The following RPAIN variants were observed in gnomAD, a reference collection of about 807,000 sequenced individuals.
RPAIN encodes the protein RPA-interacting protein.
In RPAIN, 29 loss-of-function variants were observed where a neutral mutation model predicts 30.5. That is an observed-to-expected ratio of 0.95 (90% confidence interval 0.71 to 1.30). The LOEUF (loss-of-function observed/expected upper bound fraction) is 1.30, where lower values mean the gene tolerates loss of function less well. RPAIN is among the 50% of genes most tolerant of loss of function. The pLI, the probability that RPAIN is intolerant of heterozygous loss-of-function variation, is 0.00. For synonymous variants in RPAIN, 101 were observed against 93.5 expected (o/e 1.08, Z -0.46); for missense variants, 247 against 264.7 (o/e 0.93, Z 0.46).
intron 6 of RPAIN, chr17:5,430,481 CA>C (rs1915801831): frequency 6.5e-6 from 1 of 152,960 alleles, no homozygotes; most frequent in African/African-American, 2.4e-5. Context: ...AAAAGCAAAA[CA>C]AACAAAAAAA....
At chr17:5,420,403 C>G (rs964605678) in intron 1 of RPAIN, 112 bp downstream of exon 1, 1 of 868,018 alleles carries the variant, frequency 1.2e-6, no homozygotes, top group Middle Eastern at 3.5e-4. Context: ...CGCGCCTGGT[C>G]TGGTCAAACC....
intron 6 of RPAIN, chr17:5,431,921 T>C (rs187491553): frequency 1.1e-3 from 324 of 297,128 alleles, no homozygotes; most frequent in Middle Eastern, 1.2e-3. Context: ...CTGTGGGAGT[T>C]ATTGATCCCC....
In RPAIN at chr17:5,426,452, G is replaced by C. The variant is rs878910303; in HGVS notation, c.489+153G>C. 10 of 720,252 alleles carry C rather than the reference G, an allele frequency of 1.4e-5. No individual in the cohort carries two copies. In the South Asian group the frequency reaches 1.4e-4, roughly 10 times the overall value. 44.6% of individuals were successfully genotyped at this position (720,252 alleles called of 1,614,324 possible). ...CATTGGTAGCTTCAAATCAGCCATG[G>C]TGAGAATATCTATGGCATGAAAATT... is the stretch of plus-strand genomic sequence containing the variant. On this transcript the variant is annotated intron_variant, in intron 5 of 6. Transcript: ENST00000381209.
At chr17:5,420,366 C>T in intron 1 of RPAIN, 75 bp downstream of exon 1, 1 of 1,331,000 alleles carries the variant, frequency 7.5e-7, no homozygotes, top group South Asian at 1.3e-5. Flanking sequence ...TTCGCCTTAG[C>T]CCTGCTCCGT....
Position 5,428,215 on chromosome 17 carries a change from A to G in RPAIN, c.630+4A>G, listed in dbSNP as rs376692284. 103 of 1,614,070 alleles carry G rather than the reference A, an allele frequency of 6.4e-5. No individual in the cohort carries two copies. The highest frequency in any genetic ancestry group is 8.1e-5 in the Non-Finnish European group (95 of 1,180,042). On this transcript the variant is annotated splice_donor_region_variant and intron_variant, in intron 6 of 6. Coordinates refer to ENST00000381209, the MANE Select transcript of RPAIN (RefSeq NM_001033002.4). ...CAGTCTTCTCATGAGCTGTCTGGTA[A>G]GCGTCTCCTGGGACCCACTCTGTGG...
chr17:5,428,631 GC>G (rs546529924), intron 6 of RPAIN: 32 of 840,426 alleles, frequency 3.8e-5, no homozygotes, highest in Non-Finnish European at 4.9e-5. Context: ...AGGTCCAAGG[GC>G]TATTCGCTAA....
chr17:5,422,124 C>T (rs1189664260), intron 2 of RPAIN, among the ~76,000 whole-genome samples: 1 of 152,146 alleles, frequency 6.6e-6, no homozygotes, highest in African/African-American at 2.4e-5. Context: ...AAGGGAAAAC[C>T]ATTTATAGTG....
At chr17:5,431,867 A>G (rs1438388145) in intron 6 of RPAIN, 1 of 336,626 alleles carries the variant, frequency 3.0e-6, no homozygotes, top group Non-Finnish European at 5.8e-6. Flanking sequence ...AAGAAACAAG[A>G]GTAACCCACT....
Position 5,428,711 on chromosome 17 carries a change from G to A in RPAIN, c.630+500G>A, listed in dbSNP as rs935591111. 19 of 989,000 alleles carry A rather than the reference G, an allele frequency of 1.9e-5. No individual in the cohort carries two copies. In the East Asian group the frequency reaches 7.2e-4, roughly 37 times the overall value. The allele number at this position is 989,000 out of a possible 1,614,324, so 61.3% of individuals were successfully genotyped here. A position where few individuals can be genotyped will look rare whatever the true frequency, so the allele number is the denominator to read the frequency against. ...TAAGGGAACCACCTGTCTTAGAAGC[G>A]TGCTATAGGAACCAATATCTCTTAT... On this transcript the variant is annotated intron_variant, in intron 6 of 6. Coordinates refer to ENST00000381209, the MANE Select transcript of RPAIN (RefSeq NM_001033002.4).
chr17:5,425,735 T>G (rs535074230), intron 3 of RPAIN, among the ~76,000 whole-genome samples: 59 of 152,250 alleles, frequency 3.9e-4, no homozygotes, highest in Non-Finnish European at 7.8e-4. Context: ...GTGAAAATTG[T>G]CTCCTCGGCC....
intron 6 of RPAIN, chr17:5,431,502 AG>A: frequency 4.8e-6 from 2 of 420,116 alleles, no homozygotes; most frequent in Non-Finnish European, 4.6e-6. Flanking sequence ...AAAAAAAAAG[AG>A]GAGGGGGAAA....
Position 5,426,240 on chromosome 17 carries a change from A to G in RPAIN, c.430A>G (p.Asn144Asp). ...PLICPVCTKY[N>D]LRITSGVVVC... ...GGATCCTAATTCTGCTTCTAGGTAC[A>G]ACCTGAGAATCACAAGCGGTGTGGT... is the stretch of plus-strand genomic sequence containing the variant. The change falls in exon 5 of 7, where the codon AAC (asparagine) becomes GAC (aspartate). Residue 144 changes from asparagine to aspartate, a missense_variant. By Grantham distance (23) the Asn-to-Asp change is conservative (BLOSUM62 1). Transcript: ENST00000381209. 1 of 1,614,142 alleles carries G rather than the reference A, an allele frequency of 6.2e-7. No homozygotes were observed. The highest frequency in any genetic ancestry group is 8.5e-7 in the Non-Finnish European group (1 of 1,179,946).
chr17:5,429,403 ATTAGGT>A lies in RPAIN; in HGVS notation c.630+1194_630+1199del, dbSNP rs544506574. On this transcript the variant is annotated intron_variant, in intron 6 of 6. Coordinates refer to ENST00000381209, the MANE Select transcript of RPAIN (RefSeq NM_001033002.4). Reference sequence around the variant, plus strand: ...GCATCTTGTTCTACTTAGCTGGAGCATTAGGTTCATGAGGGAGAGGATAGTTCCTGT... The same window carrying A: ...GCATCTTGTTCTACTTAGCTGGAGCATCATGAGGGAGAGGATAGTTCCTGT... 52 of 985,474 alleles carry A rather than the reference ATTAGGT, an allele frequency of 5.3e-5. No individual in the cohort carries two copies. The African/African-American group carries it at 8.9e-4, about 17-fold the overall frequency. 61.0% of individuals were successfully genotyped at this position (985,474 alleles called of 1,614,324 possible). A position where few individuals can be genotyped will look rare whatever the true frequency, so the allele number is the denominator to read the frequency against.
At position 5,424,078 on chromosome 17, in the gene RPAIN, C is replaced by T. The variant is rs114862358; in HGVS notation, c.313+1249C>T. On this transcript the variant is annotated intron_variant, in intron 3 of 6. Coordinates refer to ENST00000381209, the MANE Select transcript of RPAIN (RefSeq NM_001033002.4). ...TCATGGCTCACTGTGGCTTCATCCT[C>T]CTAGGCTCAACCAATCCTCTCATCT... Among the ~76,000 whole-genome samples the T allele has an allele frequency of 7.9e-3, 1,197 of 151,574 alleles. 18 individuals are homozygous for T. The highest frequency in any genetic ancestry group is 0.028 in the African/African-American group (1,139 of 41,246).
intron 3 of RPAIN, among the ~76,000 whole-genome samples, chr17:5,423,969 C>CA (rs1567585560): frequency 6.8e-6 from 1 of 147,790 alleles, no homozygotes; most frequent in African/African-American, 2.5e-5. Context: ...AAAAACAAGA[C>CA]AAAAAATTAT....
intron 6 of RPAIN, chr17:5,430,879 G>A (rs1460809570): frequency 6.4e-6 from 1 of 156,392 alleles, no homozygotes; most frequent in Non-Finnish European, 1.4e-5. Flanking sequence ...CCTTGAGTAT[G>A]AAAGTCCCCT....
In RPAIN at chr17:5,426,176, A is replaced by C; in HGVS notation, c.426-60A>C. On this transcript the variant is annotated intron_variant, in intron 4 of 6. Coordinates refer to ENST00000381209, the MANE Select transcript of RPAIN (RefSeq NM_001033002.4). ...CCCCCAGATTTGTTGCCTGAAATTC[A>C]AGGTTTGGAGATCCAGGTCTGGTGG... 4 of 1,587,700 alleles carry C rather than the reference A, an allele frequency of 2.5e-6. No individual in the cohort carries two copies. The South Asian group carries it at 4.4e-5, about 18-fold the overall frequency.
chr17:5,431,973 A>C (rs1214580336), intron 6 of RPAIN: 1 of 267,780 alleles, frequency 3.7e-6, no homozygotes, highest in Non-Finnish European at 7.2e-6. Flanking sequence ...TTTCACACAA[A>C]AAAATTTGCA....
chr17:5,422,568 G>A (rs1449567733), intron 2 of RPAIN, among the ~76,000 whole-genome samples: 2 of 152,220 alleles, frequency 1.3e-5, no homozygotes, highest in Non-Finnish European at 2.9e-5. Context: ...CCATTATTTT[G>A]TCACTGGATA....
Sources: gnomAD v4.1 joint callset for allele counts (sites outside exome capture counted in the v4.1 genomes callset) on GRCh38, gnomAD v4.1.1 for gene constraint, MANE v1.5 for transcripts, NCBI Gene and HGNC (gene_info 2026-07-23, HGNC 2026-07-21) for gene names.